The following LRRN2 variants were observed in gnomAD, a reference collection of about 807,000 sequenced individuals.
The protein encoded by LRRN2 is leucine-rich repeat neuronal protein 2.
Under a neutral mutation model 35.7 loss-of-function variants are expected in LRRN2, and 10 were observed. That is an observed-to-expected ratio of 0.28 (90% CI 0.17 to 0.47). LRRN2 has a LOEUF of 0.47. Among genes scored for constraint, LRRN2 ranks in the 20% least tolerant of loss-of-function variants. The probability of loss-of-function intolerance (pLI) is 0.99; values close to 1 mark genes in which losing one functional copy is unlikely to be tolerated. For synonymous variants in LRRN2, 391 were observed against 409.6 expected (o/e 0.95, Z 0.55); for missense variants, 731 against 940.3 (o/e 0.78, Z 2.91).
chr1:204,642,401 G>A (rs951801362), intron 1 of LRRN2, among the ~76,000 whole-genome samples: 3 of 152,152 alleles, frequency 2.0e-5, no homozygotes, highest in Non-Finnish European at 2.9e-5. Flanking sequence ...ACTGACCTGT[G>A]CCAGGAGCTA....
At position 204,644,821 on chromosome 1, in the gene LRRN2, C is replaced by T. The variant is rs114526979; in HGVS notation, c.-226-24603G>A. ...GGTAAAAGAATAAACAACATGGTTC[C>T]CAGGGCTAGCAGTGGGACCCTCTTA... On this transcript the variant is annotated intron_variant, in intron 1 of 1. Coordinates refer to ENST00000367177, the MANE Select transcript of LRRN2 (RefSeq NM_201630.2). Among the ~76,000 whole-genome samples, 863 of 152,244 alleles carry T rather than the reference C, an allele frequency of 5.7e-3. 13 individuals are homozygous for T. Among genetic ancestry groups the T allele is most frequent in the African/African-American group, 0.02 (811 of 41,540 alleles).
At chr1:204,660,418 T>C (rs1668447641) in intron 1 of LRRN2, among the ~76,000 whole-genome samples, 1 of 152,222 alleles carries the variant, frequency 6.6e-6, no homozygotes, top group Admixed American at 6.5e-5. Flanking sequence ...ACACCTAGAA[T>C]GGGGCCTAGT....
intron 1 of LRRN2, among the ~76,000 whole-genome samples, chr1:204,647,734 A>G (rs1239807622): frequency 3.3e-5 from 5 of 152,202 alleles, no homozygotes; most frequent in African/African-American, 1.2e-4. Context: ...AAGGAGCAGT[A>G]TCAAGAACAA....
intron 1 of LRRN2, among the ~76,000 whole-genome samples, chr1:204,637,530 C>A (rs866518108): frequency 6.6e-6 from 1 of 152,322 alleles, no homozygotes; most frequent in South Asian, 2.1e-4. Flanking sequence ...GACCAGCTGA[C>A]CAGCTCTGCT....
chr1:204,619,624 G>A lies in LRRN2; in HGVS notation c.369C>T (p.His123=). 1.2e-6 allele frequency: 2 copies of A among 1,614,200 alleles called. No homozygotes were observed. The highest frequency in any genetic ancestry group is 8.5e-7 in the Non-Finnish European group (1 of 1,180,042). ...GCCGGGTCAGCTGGTTCTCCTCTAG[G>A]TGCAGGCTCAGCAGCTGGGGCAGGG... ...FHALPQLLSL[H]LEENQLTRLE... is the part of the protein sequence containing the mutation. The change falls in exon 2 of 2, where the codon CAC becomes CAT. Residue 123 remains histidine, a synonymous_variant. Coordinates refer to ENST00000367177, the MANE Select transcript of LRRN2 (RefSeq NM_201630.2).
At chr1:204,659,054 G>A (rs1413712235) in intron 1 of LRRN2, among the ~76,000 whole-genome samples, 1 of 152,202 alleles carries the variant, frequency 6.6e-6, no homozygotes, top group Non-Finnish European at 1.5e-5. Flanking sequence ...TGCCAGTGCT[G>A]TGAGACCAGC....
At position 204,685,658 on chromosome 1, in the gene LRRN2, C is replaced by T. The variant is rs919546398; in HGVS notation, c.-565G>A. The T allele has an allele frequency of 2.0e-5, 3 of 152,068 alleles. No individual in the cohort carries two copies. The highest frequency in any genetic ancestry group is 7.2e-5 in the African/African-American group (3 of 41,408). 9.4% of individuals were successfully genotyped at this position (152,068 alleles called of 1,614,324 possible). ...TGCCCGGAGCAGGCCCTCGCGGCGC[C>T]CGGCACCCCCTCCACGCGCGCCCCT... On this transcript the variant is annotated 5_prime_UTR_variant, in exon 1 of 2. Transcript: ENST00000367177.
chr1:204,664,792 T>C (rs1490750691), intron 1 of LRRN2, among the ~76,000 whole-genome samples: 2 of 152,134 alleles, frequency 1.3e-5, no homozygotes, highest in Admixed American at 1.3e-4. Flanking sequence ...TCCCTCCCCG[T>C]CTTCTGCGTC....
Position 204,685,682 on chromosome 1 carries a change from C to T in LRRN2, c.-589G>A, listed in dbSNP as rs1280230160. 1.3e-5 allele frequency: 2 copies of T among 152,288 alleles called. No individual in the cohort carries two copies. The highest frequency in any genetic ancestry group is 6.5e-5 in the Admixed American group (1 of 15,286). 9.4% of individuals were successfully genotyped at this position (152,288 alleles called of 1,614,324 possible). A position where few individuals can be genotyped will look rare whatever the true frequency, so the allele number is the denominator to read the frequency against. ...CCCGGCACCCCCTCCACGCGCGCCC[C>T]TCTTCCCGGCTTCGCGCTCGCCCTC... is the stretch of plus-strand genomic sequence containing the variant. On this transcript the variant is annotated 5_prime_UTR_variant, in exon 1 of 2. Transcript: ENST00000367177.
At chr1:204,653,424 C>T (rs1668277201) in intron 1 of LRRN2, among the ~76,000 whole-genome samples, 1 of 152,240 alleles carries the variant, frequency 6.6e-6, no homozygotes, top group South Asian at 2.1e-4. Flanking sequence ...CTGCTTCTCC[C>T]TTGCCAAATA....
chr1:204,662,021 T>C (rs946871838), intron 1 of LRRN2, among the ~76,000 whole-genome samples: 3 of 152,134 alleles, frequency 2.0e-5, no homozygotes, highest in African/African-American at 7.2e-5. Context: ...CCCCAGCAGA[T>C]GTGGAGTTTC....
At chr1:204,621,107 C>G (rs1666859964) in intron 1 of LRRN2, 1 of 167,082 alleles carries the variant, frequency 6.0e-6, no homozygotes. Flanking sequence ...GCCAACTTCC[C>G]CACCCTGGAG....
chr1:204,631,427 G>A (rs915591198), intron 1 of LRRN2, among the ~76,000 whole-genome samples: 6 of 149,632 alleles, frequency 4.0e-5, no homozygotes, highest in African/African-American at 1.2e-4. Flanking sequence ...CTTATCCCAG[G>A]CACTGTAAGT....
intron 1 of LRRN2, among the ~76,000 whole-genome samples, chr1:204,649,126 T>C (rs966491633): frequency 2.0e-5 from 3 of 152,148 alleles, no homozygotes; most frequent in African/African-American, 7.2e-5. Flanking sequence ...GATTCCTAAC[T>C]AAACTCTTCA....
At chr1:204,632,825 A>G (rs1269331922) in intron 1 of LRRN2, among the ~76,000 whole-genome samples, 3 of 150,496 alleles carry the variant, frequency 2.0e-5, no homozygotes, top group Non-Finnish European at 3.0e-5. Context: ...TCCTAGCTAC[A>G]TGGGAGGCTG....
At chr1:204,632,859 G>A (rs942922282) in intron 1 of LRRN2, among the ~76,000 whole-genome samples, 8 of 151,322 alleles carry the variant, frequency 5.3e-5, no homozygotes, top group Non-Finnish European at 1.0e-4. Context: ...GTGTGAACCC[G>A]GGAGGTGGAG....
intron 1 of LRRN2, among the ~76,000 whole-genome samples, chr1:204,652,996 T>C (rs925869404): frequency 6.6e-6 from 1 of 152,204 alleles, no homozygotes; most frequent in Non-Finnish European, 1.5e-5. Flanking sequence ...CTAAGCAAGG[T>C]GAGTTGGTCC....
intron 1 of LRRN2, among the ~76,000 whole-genome samples, chr1:204,680,536 G>A (rs1668923964): frequency 6.6e-6 from 1 of 152,236 alleles, no homozygotes; most frequent in African/African-American, 2.4e-5. Flanking sequence ...GTGCCAGAAG[G>A]CAGAGTGCAA....
intron 1 of LRRN2, among the ~76,000 whole-genome samples, chr1:204,652,257 A>ACCCCCCCC (rs1668245006): frequency 9.2e-5 from 1 of 10,884 alleles, no homozygotes; most frequent in Non-Finnish European, 1.9e-4. Context: ...TCTCCTCTTC[A>ACCCCCCCC]CCGCCCCCCC....
Sources: gnomAD v4.1 joint callset for allele counts (sites outside exome capture counted in the v4.1 genomes callset) on GRCh38, gnomAD v4.1.1 for gene constraint, MANE v1.5 for transcripts, NCBI Gene and HGNC (gene_info 2026-07-23, HGNC 2026-07-21) for gene names.